The following MACROD2 variants were observed in gnomAD, a reference collection of about 807,000 sequenced individuals.
The protein encoded by MACROD2 is mono-ADP ribosylhydrolase 2, also known as ADP-ribose glycohydrolase MACROD2.
A neutral mutation model predicts 70.4 loss-of-function variants in MACROD2; 36 were observed. The ratio of observed to expected loss-of-function variants is 0.51; its 90% confidence interval spans 0.39 to 0.68. The LOEUF is 0.68. MACROD2 is among the 30% of genes least tolerant of loss of function. MACROD2 has a pLI of 0.00. For missense variants in MACROD2, 496 were observed against 538.4 expected (o/e 0.92, Z 0.78); for synonymous variants, 172 against 178.8 (o/e 0.96, Z 0.30).
chr20:15,703,580 C>T (rs567257000), intron 8 of MACROD2, among the ~76,000 whole-genome samples: 3 of 152,220 alleles, frequency 2.0e-5, no homozygotes, highest in South Asian at 4.1e-4. Flanking sequence ...CAGATTATCT[C>T]AAAATTGTGT....
At chr20:14,030,312 A>AT (rs1466992440) in intron 2 of MACROD2, among the ~76,000 whole-genome samples, 1 of 152,076 alleles carries the variant, frequency 6.6e-6, no homozygotes, top group Admixed American at 6.6e-5. Context: ...TGCTGGGGTT[A>AT]TAGGCATGAG....
At chr20:15,790,293 T>C (rs1285983501) in intron 8 of MACROD2, among the ~76,000 whole-genome samples, 1 of 151,870 alleles carries the variant, frequency 6.6e-6, no homozygotes, top group East Asian at 1.9e-4. Context: ...TCAAGTTAAA[T>C]GATAAAAATT....
At chr20:15,512,165 G>A (rs1289100005) in intron 8 of MACROD2, among the ~76,000 whole-genome samples, 1 of 152,156 alleles carries the variant, frequency 6.6e-6, no homozygotes, top group Non-Finnish European at 1.5e-5. Context: ...CTAGTCCTGG[G>A]GTGGCCACAG....
At chr20:14,543,511 T>G (rs954119145) in intron 4 of MACROD2, among the ~76,000 whole-genome samples, 1 of 152,218 alleles carries the variant, frequency 6.6e-6, no homozygotes, top group Non-Finnish European at 1.5e-5. Flanking sequence ...CATACATAGT[T>G]TTTAAAATAA....
At chr20:15,107,938 C>T (rs78526672) in intron 5 of MACROD2, among the ~76,000 whole-genome samples, 3,301 of 150,768 alleles carry the variant, frequency 0.022, 122 homozygotes, top group African/African-American at 0.076. Flanking sequence ...TCAGAAACAG[C>T]GGTGAGTTAA....
At position 14,484,562 on chromosome 20, in the gene MACROD2, A is replaced by G. The variant is rs191462721; in HGVS notation, c.272-8917A>G. ...TTCTTTCTATTGTTTTTACCCATTAACTATCCCCACTTCCTCTCCACCCCT... is the reference window on the plus strand; with the variant it reads ...TTCTTTCTATTGTTTTTACCCATTAGCTATCCCCACTTCCTCTCCACCCCT... On this transcript the variant is annotated intron_variant, in intron 3 of 17. Transcript: ENST00000684519. 7.9e-5 allele frequency among the ~76,000 whole-genome samples: 12 copies of G among 152,280 alleles called. No homozygotes were observed. In the East Asian group the frequency reaches 2.3e-3, roughly 29 times the overall value.
At chr20:15,789,254 TA>T (rs1411652126) in intron 8 of MACROD2, among the ~76,000 whole-genome samples, 5 of 152,206 alleles carry the variant, frequency 3.3e-5, no homozygotes. Flanking sequence ...TTCTAAAGAA[TA>T]GCCTTTGGTT....
At chr20:15,210,202 G>A (rs887996552) in intron 5 of MACROD2, among the ~76,000 whole-genome samples, 4 of 152,320 alleles carry the variant, frequency 2.6e-5, no homozygotes, top group South Asian at 4.1e-4. Context: ...CCTTAGATTT[G>A]TAGGCAGTTG....
At chr20:14,443,108 A>G (rs980393326) in intron 3 of MACROD2, among the ~76,000 whole-genome samples, 2 of 151,288 alleles carry the variant, frequency 1.3e-5, no homozygotes, top group Admixed American at 6.6e-5. Flanking sequence ...TGAGAACTAC[A>G]CTGAGTGTGG....
At chr20:15,239,844 C>CTCTG (rs528531729) in intron 6 of MACROD2, among the ~76,000 whole-genome samples, 265 of 152,326 alleles carry the variant, frequency 1.7e-3, no homozygotes, top group South Asian at 0.017. Context: ...TGTTTGAATG[C>CTCTG]TCTCTTTACC....
intron 10 of MACROD2, among the ~76,000 whole-genome samples, chr20:15,894,213 G>A (rs892807712): frequency 2.0e-5 from 3 of 152,154 alleles, no homozygotes; most frequent in Non-Finnish European, 4.4e-5. Flanking sequence ...CGGGGCTTCC[G>A]GTGCTAAGTA....
chr20:15,492,948 A>G (rs1415754030), intron 7 of MACROD2, among the ~76,000 whole-genome samples: 1 of 152,080 alleles, frequency 6.6e-6, no homozygotes, highest in Non-Finnish European at 1.5e-5. Flanking sequence ...TATAGCAACT[A>G]CTTTCTAAAT....
Position 15,989,300 on chromosome 20 carries a change from C to A in MACROD2, c.1153+2142C>A, listed in dbSNP as rs191050890. Among the ~76,000 whole-genome samples, 56 of 152,280 alleles carry A rather than the reference C, an allele frequency of 3.7e-4. 1 individual carries two copies. In the East Asian group the frequency reaches 0.011, roughly 29 times the overall value. ...TATCCTTCAACAACAACAACTGGTTCTATCCATTTGGTTGGCAGCACCATC... is the reference window on the plus strand; with the variant it reads ...TATCCTTCAACAACAACAACTGGTTATATCCATTTGGTTGGCAGCACCATC... On this transcript the variant is annotated intron_variant, in intron 15 of 17. Transcript: ENST00000684519.
At chr20:14,960,026 C>T (rs1211185294) in intron 5 of MACROD2, among the ~76,000 whole-genome samples, 1 of 152,164 alleles carries the variant, frequency 6.6e-6, no homozygotes, top group Non-Finnish European at 1.5e-5. Flanking sequence ...CAAGGAAATG[C>T]CTCCTGTACA....
intron 5 of MACROD2, among the ~76,000 whole-genome samples, chr20:14,834,507 T>C (rs1234936157): frequency 6.6e-6 from 1 of 151,976 alleles, no homozygotes; most frequent in Non-Finnish European, 1.5e-5. Flanking sequence ...TGGAAATGAA[T>C]AGTTAAAATT....
At chr20:14,919,350 G>T (rs1437850220) in intron 5 of MACROD2, among the ~76,000 whole-genome samples, 2 of 152,146 alleles carry the variant, frequency 1.3e-5, no homozygotes, top group East Asian at 3.9e-4. Context: ...AATGCTTCCT[G>T]CCAGACATGT....
rs76491578 is a variant in MACROD2 at position 15,107,983 on chromosome 20, C to CTTT, written c.419-121944_419-121942dup. 3.4e-3 allele frequency among the ~76,000 whole-genome samples: 490 copies of CTTT among 142,714 alleles called. 3 individuals are homozygous for CTTT. Among genetic ancestry groups the CTTT allele is most frequent in the African/African-American group, 8.2e-3 (319 of 38,862 alleles). 93.6% of individuals were successfully genotyped at this position (142,714 alleles called of 152,430 possible). Reference sequence around the variant, plus strand: ...TCCTATGGACTCTTGAGAGCAAGCTCTTTTTTTTTTTTTTTACATTTTTTT... The same window carrying CTTT: ...TCCTATGGACTCTTGAGAGCAAGCTCTTTTTTTTTTTTTTTTTTACATTTTTTT... On this transcript the variant is annotated intron_variant, in intron 5 of 17. Coordinates refer to ENST00000684519, the MANE Select transcript of MACROD2 (RefSeq NM_001351661.2).
At chr20:14,556,845 G>C (rs1021821397) in intron 4 of MACROD2, among the ~76,000 whole-genome samples, 2 of 151,960 alleles carry the variant, frequency 1.3e-5, no homozygotes, top group Admixed American at 1.3e-4. Context: ...TTAAGCCCTA[G>C]TATGTTAATA....
At chr20:15,696,992 C>T (rs142191543) in intron 8 of MACROD2, among the ~76,000 whole-genome samples, 6,620 of 151,996 alleles carry the variant, frequency 0.044, 284 homozygotes, top group East Asian at 0.21. Flanking sequence ...TATTTATCTT[C>T]TCAAAGAACC....
Sources: allele counts gnomAD v4.1 joint callset (sites outside exome capture counted in the v4.1 genomes callset), GRCh38; gene constraint gnomAD v4.1.1; transcripts MANE v1.5; gene names NCBI Gene and HGNC (gene_info 2026-07-23, HGNC 2026-07-21).